HMCN1: variants seen among roughly 807,000 people sequenced by gnomAD.
HMCN1 encodes hemicentin 1.
A neutral mutation model predicts 625.9 loss-of-function variants in HMCN1; 321 were observed. The ratio of observed to expected loss-of-function variants is 0.51; its 90% CI spans 0.47 to 0.56. HMCN1 has a LOEUF of 0.56. Ranked by LOEUF, HMCN1 falls within the 20% of genes least tolerant of loss-of-function variation. The probability of loss-of-function intolerance (pLI) is 0.00; values close to 1 mark genes in which losing one functional copy is unlikely to be tolerated. For missense variants in HMCN1, 6,588 were observed against 6,887.3 expected (o/e 0.96, Z 1.54); for synonymous variants, 2,425 against 2,417.6 (o/e 1.00, Z -0.09).
intron 1 of HMCN1, among the ~76,000 whole-genome samples, chr1:185,794,010 T>C (rs950718653): frequency 1.3e-5 from 2 of 152,192 alleles, no homozygotes; most frequent in Non-Finnish European, 1.5e-5. Context: ...TTTCTGACTT[T>C]AATGGCATTA....
Position 186,123,224 on chromosome 1 carries a change from G to T in HMCN1, c.12499+4G>T. On this transcript the variant is annotated splice_donor_region_variant and intron_variant, in intron 81 of 106. Coordinates refer to ENST00000271588, the MANE Select transcript of HMCN1 (RefSeq NM_031935.3). Reference sequence around the variant, plus strand: ...AGCACCAAGCTCACCGTCCATGGTAGGTTGTTTAACATGAATTATTTTAGT... The same window carrying T: ...AGCACCAAGCTCACCGTCCATGGTATGTTGTTTAACATGAATTATTTTAGT... 6.2e-7 allele frequency: 1 copy of T among 1,612,586 alleles called. No homozygotes were observed. Among genetic ancestry groups the T allele is most frequent in the East Asian group, 2.2e-5 (1 of 44,824 alleles).
At chr1:186,128,488 G>A (rs1031257808) in intron 83 of HMCN1, among the ~76,000 whole-genome samples, 197 bp downstream of exon 83, 7 of 151,858 alleles carry the variant, frequency 4.6e-5, no homozygotes, top group African/African-American at 1.7e-4. Flanking sequence ...AGCATAAGTT[G>A]ATCACAGGGC....
chr1:186,044,892 G>T (rs1012279615), intron 40 of HMCN1, among the ~76,000 whole-genome samples: 1 of 152,036 alleles, frequency 6.6e-6, no homozygotes, highest in Non-Finnish European at 1.5e-5. Context: ...ATAAATGATT[G>T]TTTACTCTAT....
At position 186,076,539 on chromosome 1, in the gene HMCN1, C is replaced by T; in HGVS notation, c.8402C>T (p.Thr2801Ile). Residue 2801 changes from threonine (T) to isoleucine (I), a missense_variant, in exon 54 of 107, where the codon ACA becomes ATA. Coordinates refer to ENST00000271588, the MANE Select transcript of HMCN1 (RefSeq NM_031935.3). ...AATCCCATTTCTCTTTACTGTGAGA[C>T]AAATGCTGCTCCCCCTCCTACACTG... Reference protein sequence around the residue: ...INNPISLYCETNAAPPPTLTW... With the variant: ...INNPISLYCEINAAPPPTLTW... 2 of 1,613,770 alleles carry T rather than the reference C, an allele frequency of 1.2e-6. No homozygotes were observed. The highest frequency in any genetic ancestry group is 1.7e-6 in the Non-Finnish European group (2 of 1,179,776).
intron 91 of HMCN1, 99 bp downstream of exon 91, chr1:186,144,802 A>G (rs1390304924): frequency 7.1e-7 from 1 of 1,400,262 alleles, no homozygotes; most frequent in Non-Finnish European, 1.0e-6. Flanking sequence ...TGGTTCTTCA[A>G]CCTTTGGTTT....
intron 1 of HMCN1, among the ~76,000 whole-genome samples, chr1:185,787,943 A>G (rs895405093): frequency 6.6e-6 from 1 of 152,328 alleles, no homozygotes; most frequent in South Asian, 2.1e-4. Flanking sequence ...TTCAGAATGT[A>G]TGCTTGAGTA....
At chr1:185,754,055 G>T (rs1408042718) in intron 1 of HMCN1, among the ~76,000 whole-genome samples, 2 of 152,142 alleles carry the variant, frequency 1.3e-5, no homozygotes, top group East Asian at 3.8e-4. Context: ...AAGAGATGTG[G>T]TATATGTGCG....
At chr1:185,799,310 A>G (rs1355251693) in intron 1 of HMCN1, among the ~76,000 whole-genome samples, 1 of 152,090 alleles carries the variant, frequency 6.6e-6, no homozygotes, top group Non-Finnish European at 1.5e-5. Flanking sequence ...TTTTGTATGG[A>G]GTTGTGCAGG....
chr1:185,735,737 A>C (rs1419391105), intron 1 of HMCN1, among the ~76,000 whole-genome samples: 1 of 152,206 alleles, frequency 6.6e-6, no homozygotes, highest in Non-Finnish European at 1.5e-5. Context: ...TTTTTGCCCT[A>C]AAGCCGTAGG....
chr1:186,066,986 C>T (rs1040197460), intron 49 of HMCN1, among the ~76,000 whole-genome samples: 4 of 152,108 alleles, frequency 2.6e-5, no homozygotes, highest in African/African-American at 4.8e-5. Context: ...AATTGCTTGT[C>T]GGGCATTTCC....
At chr1:186,088,493 AACTTTT>A (rs1571335361) in intron 62 of HMCN1, 107 bp from the exon 63 acceptor site, 2 of 1,377,728 alleles carry the variant, frequency 1.5e-6, no homozygotes, top group East Asian at 4.9e-5. Flanking sequence ...GAAAATGGAG[AACTTTT>A]AAGAAATGCA....
intron 11 of HMCN1, among the ~76,000 whole-genome samples, chr1:185,949,081 A>G (rs1373050297): frequency 6.6e-6 from 1 of 151,946 alleles, no homozygotes; most frequent in Non-Finnish European, 1.5e-5. Context: ...ATATCTGATT[A>G]GAGAGTGCCT....
intron 39 of HMCN1, among the ~76,000 whole-genome samples, chr1:186,040,793 C>G (rs1369059179): frequency 6.6e-6 from 1 of 152,074 alleles, no homozygotes; most frequent in Non-Finnish European, 1.5e-5. Context: ...GACTTATTTT[C>G]AGTAGTCATT....
rs137853916 is a variant in HMCN1 at position 186,055,447 on chromosome 1, G to A, written c.6917G>A (p.Arg2306Gln). The change falls in exon 45 of 107, where the codon CGA (arginine) becomes CAA (glutamine). Residue 2306 changes from arginine (R) to glutamine (Q), a missense_variant. This residue lies in a region of HMCN1 where 4,628 missense variants were observed against 4,853.1 expected (regional missense o/e 0.95). Transcript: ENST00000271588. ...CACCCTACTGAAATTATTGTGACCC[G>A]AGGGAAGAGTATCTCCTTGGAGTGT... ...GSHPTEIIVT[R>Q]GKSISLECEV... is the part of the protein sequence containing the mutation. The A allele has an allele frequency of 6.2e-5, 100 of 1,612,566 alleles. No homozygotes were observed. In the East Asian group the frequency reaches 1.0e-3, roughly 16 times the overall value.
At chr1:186,170,024 C>T (rs1393759276) in intron 100 of HMCN1, among the ~76,000 whole-genome samples, 3 of 150,670 alleles carry the variant, frequency 2.0e-5, no homozygotes, top group Admixed American at 6.6e-5. Context: ...TGAACAGACA[C>T]TTCTCAAAAG....
intron 2 of HMCN1, among the ~76,000 whole-genome samples, chr1:185,858,969 G>C (rs1220368041): frequency 6.6e-6 from 1 of 151,554 alleles, no homozygotes; most frequent in Non-Finnish European, 1.5e-5. Context: ...AGATCAGAAA[G>C]TCCGTTGATG....
chr1:185,850,511 G>T (rs181504804), intron 2 of HMCN1, among the ~76,000 whole-genome samples: 2 of 152,090 alleles, frequency 1.3e-5, no homozygotes, highest in Non-Finnish European at 2.9e-5. Context: ...TGTTCTGAAG[G>T]ATCTATAGGG....
chr1:185,755,952 G>T lies in HMCN1; in HGVS notation c.268+20905G>T, dbSNP rs188667968. 5.7e-3 allele frequency among the ~76,000 whole-genome samples: 868 copies of T among 152,226 alleles called. 2 individuals are homozygous for T. Among genetic ancestry groups the T allele is most frequent in the African/African-American group, 0.02 (834 of 41,516 alleles). On this transcript the variant is annotated intron_variant, in intron 1 of 106. Coordinates refer to ENST00000271588, the MANE Select transcript of HMCN1 (RefSeq NM_031935.3). ...GGCTGGAGTGCAGTGGCTGTTTACA[G>T]TTGTAATCATGGTGCACTGAAGCCT... is the stretch of plus-strand genomic sequence containing the variant.
intron 1 of HMCN1, among the ~76,000 whole-genome samples, chr1:185,833,640 T>C (rs776169378): frequency 3.3e-5 from 5 of 152,178 alleles, no homozygotes; most frequent in Admixed American, 1.3e-4. Flanking sequence ...AATACCATGA[T>C]GAGATTCATA....
Sources: gnomAD v4.1 joint callset for allele counts (sites outside exome capture counted in the v4.1 genomes callset) on GRCh38, gnomAD v4.1.1 for gene constraint, gnomAD v4.1.1 regional missense constraint, MANE v1.5 for transcripts, NCBI Gene and HGNC (gene_info 2026-07-23, HGNC 2026-07-21) for gene names.